RGS6: variants seen among roughly 807,000 people sequenced by gnomAD.
RGS6 encodes regulator of G-protein signaling 6.
In RGS6, 30 loss-of-function variants were observed where a neutral mutation model predicts 78.5. The observed-to-expected ratio is 0.38, with a 90% CI of 0.29 to 0.52. The LOEUF (loss-of-function observed/expected upper bound fraction) is 0.52. Among genes scored for constraint, RGS6 ranks in the 20% least tolerant of loss-of-function variants. The pLI is 0.85. For synonymous variants in RGS6, 206 were observed against 206.0 expected, an observed-to-expected ratio of 1.00 and a Z score of 0.00; for missense variants, 495 against 609.7, an observed-to-expected ratio of 0.81 and a Z score of 1.98.
rs573417600 is a variant in RGS6 at position 72,398,095 on chromosome 14, T to C, written c.184+45901T>C. 1.5e-4 allele frequency among the ~76,000 whole-genome samples: 23 copies of C among 152,346 alleles called. No homozygotes were observed. The South Asian group carries it at 3.5e-3, about 23-fold the overall frequency. On this transcript the variant is annotated intron_variant, in intron 3 of 17. Transcript: ENST00000553525. ...TGAGTTAGGGAGGATTCCCTCTTTT[T>C]CTATTGATTGGAATAGTTTCAGAAG...
intron 3 of RGS6, among the ~76,000 whole-genome samples, chr14:72,408,610 T>C (rs2093146077): frequency 1.3e-5 from 2 of 152,330 alleles, no homozygotes; most frequent in South Asian, 4.1e-4. Context: ...CGTTCACAGT[T>C]GAATGACTTT....
chr14:72,181,939 C>G (rs1325261408), intron 2 of RGS6, among the ~76,000 whole-genome samples: 3 of 152,152 alleles, frequency 2.0e-5, no homozygotes, highest in Non-Finnish European at 4.4e-5. Flanking sequence ...TTGCAGATTA[C>G]TAAGTGACTG....
intron 2 of RGS6, among the ~76,000 whole-genome samples, chr14:72,313,891 T>C (rs541687298): frequency 1.3e-5 from 2 of 152,334 alleles, no homozygotes; most frequent in African/African-American, 4.8e-5. Context: ...TGAGGCAGAT[T>C]AGTTGTAAAA....
chr14:72,612,300 T>C, the RGS6 span, among the ~76,000 whole-genome samples: 4 of 152,166 alleles, frequency 2.6e-5, no homozygotes, highest in African/African-American at 7.2e-5. Flanking sequence ...ACCAGACGCA[T>C]TGGTGAGCCA....
the RGS6 span, among the ~76,000 whole-genome samples, chr14:72,571,735 T>C: frequency 6.6e-6 from 1 of 152,320 alleles, no homozygotes; most frequent in East Asian, 1.9e-4. Flanking sequence ...GAAGTAAATC[T>C]TCACGATCTT....
intron 3 of RGS6, among the ~76,000 whole-genome samples, chr14:72,395,322 ATG>A (rs1250029615): frequency 6.6e-6 from 1 of 152,178 alleles, no homozygotes; most frequent in East Asian, 1.9e-4. Context: ...AGGCATATAT[ATG>A]TGTGTGTATA....
At chr14:72,024,355 C>G (rs140521015) in intron 2 of RGS6, among the ~76,000 whole-genome samples, 1 of 152,144 alleles carries the variant, frequency 6.6e-6, no homozygotes, top group African/African-American at 2.4e-5. Context: ...CACTGACTTT[C>G]TTTACTTGAG....
Position 72,068,280 on chromosome 14 carries a change from A to G in RGS6, c.84+103405A>G, listed in dbSNP as rs183317326. 3.9e-3 allele frequency among the ~76,000 whole-genome samples: 582 copies of G among 151,056 alleles called. 4 individuals carry two copies. Among genetic ancestry groups the G allele is most frequent in the Middle Eastern group, 0.01 (3 of 288 alleles). ...CTCCAGAGTAGCTGGGACTACAGGCATGCACCACCACACCTAGCTAATTTT... is the reference window on the plus strand; with the variant it reads ...CTCCAGAGTAGCTGGGACTACAGGCGTGCACCACCACACCTAGCTAATTTT... On this transcript the variant is annotated intron_variant, in intron 2 of 17. Transcript: ENST00000553525.
chr14:72,332,511 C>T (rs2075271229), intron 2 of RGS6, among the ~76,000 whole-genome samples: 1 of 152,150 alleles, frequency 6.6e-6, no homozygotes, highest in South Asian at 2.1e-4. Flanking sequence ...CACTGGATGT[C>T]CCAACTAGGA....
chr14:72,176,050 A>G (rs2097101102), intron 2 of RGS6, among the ~76,000 whole-genome samples: 2 of 152,312 alleles, frequency 1.3e-5, no homozygotes, highest in African/African-American at 2.4e-5. Flanking sequence ...GGAGTTCTCC[A>G]TTGAAAACAA....
intron 10 of RGS6, among the ~76,000 whole-genome samples, chr14:72,476,298 C>T (rs1387534922): frequency 6.6e-6 from 1 of 152,218 alleles, no homozygotes; most frequent in Non-Finnish European, 1.5e-5. Flanking sequence ...TTTGTGCATA[C>T]TCTTTGGCAG....
chr14:72,449,801 A>G (rs1173581663), intron 3 of RGS6, among the ~76,000 whole-genome samples: 2 of 152,116 alleles, frequency 1.3e-5, no homozygotes, highest in Non-Finnish European at 2.9e-5. Context: ...GAGGCACACT[A>G]TTGAGCCTCG....
chr14:72,506,519 A>T (rs531844883), intron 13 of RGS6, among the ~76,000 whole-genome samples: 38 of 152,316 alleles, frequency 2.5e-4, no homozygotes, highest in African/African-American at 9.1e-4. Context: ...GAAGTGGATG[A>T]TATTGGGAAT....
intron 2 of RGS6, among the ~76,000 whole-genome samples, chr14:72,088,975 C>T (rs995223038): frequency 6.6e-6 from 1 of 152,208 alleles, no homozygotes; most frequent in Non-Finnish European, 1.5e-5. Context: ...TCTTCCCTGG[C>T]CACCCAATCT....
At chr14:72,360,917 A>T (rs576822379) in intron 3 of RGS6, among the ~76,000 whole-genome samples, 1 of 152,192 alleles carries the variant, frequency 6.6e-6, no homozygotes, top group African/African-American at 2.4e-5. Flanking sequence ...CATGATAGTG[A>T]GCAAGCTCTC....
At chr14:72,185,581 A>G (rs927249282) in intron 2 of RGS6, among the ~76,000 whole-genome samples, 2 of 152,182 alleles carry the variant, frequency 1.3e-5, no homozygotes, top group Admixed American at 1.3e-4. Flanking sequence ...TAGAGTGTGA[A>G]TTATTTGGAC....
At chr14:72,437,167 C>CAAAAAAAAAA (rs71109735) in intron 3 of RGS6, among the ~76,000 whole-genome samples, 140 of 74,700 alleles carry the variant, frequency 1.9e-3, no homozygotes, top group Non-Finnish European at 2.3e-3. Flanking sequence ...ACTAAAAATA[C>CAAAAAAAAAA]AAAAAAAAAA....
At chr14:72,256,823 A>G (rs754827519) in intron 2 of RGS6, among the ~76,000 whole-genome samples, 20 of 152,230 alleles carry the variant, frequency 1.3e-4, no homozygotes, top group Non-Finnish European at 2.6e-4. Flanking sequence ...CACTCTTAGT[A>G]AACAGTAGTA....
intron 15 of RGS6, among the ~76,000 whole-genome samples, chr14:72,534,633 G>T (rs558311666): frequency 2.4e-4 from 37 of 152,208 alleles, no homozygotes; most frequent in African/African-American, 8.4e-4. Context: ...TCCATATCTT[G>T]GCTACTGTGC....
Sources: gnomAD v4.1 joint callset for allele counts (sites outside exome capture counted in the v4.1 genomes callset) on GRCh38, gnomAD v4.1.1 for gene constraint, MANE v1.5 for transcripts, NCBI Gene and HGNC (gene_info 2026-07-23, HGNC 2026-07-21) for gene names.